NHSL1: variants seen among roughly 807,000 people sequenced by gnomAD.
The protein encoded by NHSL1 is NHS-like protein 1.
A neutral mutation model predicts 95.0 loss-of-function variants in NHSL1; 48 were observed. That is an observed-to-expected ratio of 0.51 (90% CI 0.40 to 0.64). The LOEUF (loss-of-function observed/expected upper bound fraction) is 0.64, where lower values mean the gene tolerates loss of function less well. Ranked by LOEUF, NHSL1 falls within the 30% of genes least tolerant of loss-of-function variation. NHSL1 has a pLI of 0.00. For synonymous variants in NHSL1, 783 were observed against 833.9 expected, an observed-to-expected ratio of 0.94 and a Z score of 1.05; for missense variants, 1,971 against 2,077.7, an observed-to-expected ratio of 0.95 and a Z score of 1.00.
At chr6:138,540,685 T>C (rs1782545105) in intron 1 of NHSL1, among the ~76,000 whole-genome samples, 1 of 152,240 alleles carries the variant, frequency 6.6e-6, no homozygotes, top group African/African-American at 2.4e-5. Flanking sequence ...GGCACATGCC[T>C]GAGATTGTTC....
chr6:138,692,896 G>C (rs984827235), upstream of NHSL1, among the ~76,000 whole-genome samples: 26 of 151,014 alleles, frequency 1.7e-4, 1 homozygote, highest in Admixed American at 1.4e-3. The surrounding 1 kb of genome is among the most constrained non-coding windows in gnomAD (Gnocchi z 4.0). Context: ...GCCCCTGCCC[G>C]CAGGGGAGAG....
At chr6:138,654,018 G>A (rs1019604979) in intron 1 of NHSL1, among the ~76,000 whole-genome samples, 3 of 152,088 alleles carry the variant, frequency 2.0e-5, no homozygotes, top group African/African-American at 7.2e-5. Flanking sequence ...ATTTACTCCT[G>A]CCAATGAGGA....
intron 1 of NHSL1, among the ~76,000 whole-genome samples, chr6:138,526,913 A>G (rs933048876): frequency 1.3e-5 from 2 of 152,198 alleles, no homozygotes; most frequent in African/African-American, 4.8e-5. Context: ...AACAGAATCC[A>G]TCTTGATAGT....
At chr6:138,639,216 T>C (rs969610561) in intron 1 of NHSL1, among the ~76,000 whole-genome samples, 1 of 152,236 alleles carries the variant, frequency 6.6e-6, no homozygotes, top group African/African-American at 2.4e-5. Flanking sequence ...ATTATAGATA[T>C]TCCCTGAAAA....
chr6:138,422,414 A>T lies in NHSL1; in HGVS notation c.*1667T>A, dbSNP rs1774975802. ...TTGTTTTTGCCTCAAAGACATTTCT[A>T]TATGGGTATCTAAAGTTTTAGTTTA... is the stretch of plus-strand genomic sequence containing the variant. On this transcript the variant is annotated 3_prime_UTR_variant, in exon 8 of 8. Transcript: ENST00000343505. 1 of 152,208 alleles carries T rather than the reference A, an allele frequency of 6.6e-6. No homozygotes were observed. Among genetic ancestry groups the T allele is most frequent in the African/African-American group, 2.4e-5 (1 of 41,452 alleles). The allele number at this position is 152,208 out of a possible 1,614,324, so 9.4% of individuals were successfully genotyped here. A position where few individuals can be genotyped will look rare whatever the true frequency, so the allele number is the denominator to read the frequency against.
intron 1 of NHSL1, among the ~76,000 whole-genome samples, chr6:138,540,785 G>A (rs1337766391): frequency 6.6e-6 from 1 of 152,158 alleles, no homozygotes; most frequent in Non-Finnish European, 1.5e-5. Flanking sequence ...GAAGAGTATA[G>A]GACCCTATCG....
intron 3 of NHSL1, among the ~76,000 whole-genome samples, chr6:138,466,774 T>A (rs1017194850): frequency 6.6e-6 from 1 of 151,828 alleles, no homozygotes; most frequent in African/African-American, 2.4e-5. Flanking sequence ...GAGAGTCATA[T>A]AAAAATATGA....
chr6:138,510,321 A>C (rs1471559251), intron 1 of NHSL1, among the ~76,000 whole-genome samples: 1 of 152,236 alleles, frequency 6.6e-6, no homozygotes, highest in Non-Finnish European at 1.5e-5. Context: ...GCAAAATGCT[A>C]ATGAGACAAA....
chr6:138,463,994 C>CT (rs761764719), intron 3 of NHSL1: 42 of 275,532 alleles, frequency 1.5e-4, no homozygotes, highest in Non-Finnish European at 2.8e-4. Context: ...CACTTGATGG[C>CT]TTCTCAGGAC....
chr6:138,494,923 T>C (rs1027565718), intron 2 of NHSL1, among the ~76,000 whole-genome samples: 8 of 152,196 alleles, frequency 5.3e-5, no homozygotes, highest in Non-Finnish European at 1.2e-4. Flanking sequence ...GCTGCCCTCC[T>C]TGCCACACAT....
intron 2 of NHSL1, among the ~76,000 whole-genome samples, chr6:138,475,017 G>A (rs900304134): frequency 5.9e-5 from 9 of 152,066 alleles, no homozygotes; most frequent in African/African-American, 1.4e-4. Context: ...GTGTGGTGGC[G>A]CATGCCTGTA....
chr6:138,479,125 T>C (rs1222796936), intron 2 of NHSL1, among the ~76,000 whole-genome samples: 1 of 152,184 alleles, frequency 6.6e-6, no homozygotes, highest in Non-Finnish European at 1.5e-5. Flanking sequence ...AAATCCTATC[T>C]ATTGCTATGT....
At chr6:138,603,372 C>T (rs1232495467) in intron 1 of NHSL1, among the ~76,000 whole-genome samples, 1 of 152,098 alleles carries the variant, frequency 6.6e-6, no homozygotes, top group African/African-American at 2.4e-5. Context: ...ATTTTAAAAA[C>T]ACCACCACAC....
At chr6:138,683,020 A>G (rs1039714731) in intron 1 of NHSL1, among the ~76,000 whole-genome samples, 1 of 152,192 alleles carries the variant, frequency 6.6e-6, no homozygotes, top group African/African-American at 2.4e-5. Flanking sequence ...CAGCTCTCCC[A>G]TAGCTAGGAA....
At chr6:138,689,326 C>CT (rs1785628458) in intron 1 of NHSL1, among the ~76,000 whole-genome samples, 3 of 152,280 alleles carry the variant, frequency 2.0e-5, no homozygotes, top group East Asian at 3.9e-4. Context: ...GCCCCTCAAC[C>CT]TGGGGGTGTC....
intron 7 of NHSL1, among the ~76,000 whole-genome samples, chr6:138,428,904 G>A (rs1775439234): frequency 6.6e-6 from 1 of 152,152 alleles, no homozygotes; most frequent in South Asian, 2.1e-4. Flanking sequence ...GGAAGCAAAA[G>A]GTTTATACAG....
chr6:138,537,666 T>C (rs1782412829), intron 1 of NHSL1, among the ~76,000 whole-genome samples: 1 of 152,202 alleles, frequency 6.6e-6, no homozygotes, highest in African/African-American at 2.4e-5. Context: ...AGGGATAAGA[T>C]GATATGATTA....
chr6:138,443,062 C>CAT (rs59676999), intron 4 of NHSL1, among the ~76,000 whole-genome samples: 2,272 of 145,226 alleles, frequency 0.016, 43 homozygotes, highest in African/African-American at 0.046. Context: ...TACACACACA[C>CAT]ATATATATAT....
At chr6:138,559,936 T>C (rs1171455339) in intron 1 of NHSL1, among the ~76,000 whole-genome samples, 1 of 152,234 alleles carries the variant, frequency 6.6e-6, no homozygotes, top group East Asian at 1.9e-4. Flanking sequence ...ATTTATTACT[T>C]TGGACACAAA....
Sources: allele counts gnomAD v4.1 joint callset (sites outside exome capture counted in the v4.1 genomes callset), GRCh38; gene constraint gnomAD v4.1.1; non-coding constraint Gnocchi (gnomAD v3.1); transcripts MANE v1.5; gene names NCBI Gene and HGNC (gene_info 2026-07-23, HGNC 2026-07-21).